The following ANKRD12 variants were observed in gnomAD, a reference collection of about 807,000 sequenced individuals.
ANKRD12 encodes ankyrin repeat domain-containing protein 12.
Under a neutral mutation model 183.4 loss-of-function variants are expected in ANKRD12, and 85 were observed. The observed-to-expected ratio is 0.46, with a 90% confidence interval of 0.39 to 0.56. ANKRD12 has a LOEUF of 0.56. Among genes scored for constraint, ANKRD12 ranks in the 20% least tolerant of loss-of-function variants. The pLI, the probability that ANKRD12 is intolerant of heterozygous loss-of-function variation, is 0.00. For synonymous variants in ANKRD12, 914 were observed against 800.2 expected (o/e 1.14, Z -2.40); for missense variants, 2,405 against 2,357.1 (o/e 1.02, Z -0.42).
At chr18:9,211,328 T>TA (rs1394854221) in intron 5 of ANKRD12, among the ~76,000 whole-genome samples, 1 of 152,196 alleles carries the variant, frequency 6.6e-6, no homozygotes. Context: ...ACGTATTTGA[T>TA]ACTTTATCAT....
intron 3 of ANKRD12, among the ~76,000 whole-genome samples, chr18:9,197,284 G>C (rs2034890200): frequency 6.6e-6 from 1 of 152,126 alleles, no homozygotes; most frequent in Non-Finnish European, 1.5e-5. Flanking sequence ...TTCCCCCTTA[G>C]ATTTTTTCTA....
intron 8 of ANKRD12, among the ~76,000 whole-genome samples, chr18:9,251,704 G>A (rs1263423320): frequency 6.6e-6 from 1 of 152,074 alleles, no homozygotes; most frequent in African/African-American, 2.4e-5. Flanking sequence ...TGAGACAGGA[G>A]AACTGCTTGA....
chr18:9,256,689 C>T lies in ANKRD12; in HGVS notation c.3422C>T (p.Ser1141Leu). ...TESKNKELTR[S>L]KSSEVTDAYT... ...TCCAAAAATAAAGAACTTACTAGGT[C>T]AAAGAGTTCAGAAGTGACTGATGCA... Residue 1141 changes from serine to leucine, a missense_variant, in exon 9 of 13, where the codon TCA becomes TTA. Around this residue, in one of 7 missense-constraint regions of ANKRD12, gnomAD observed 1,983 missense variants for 1,725.9 expected, o/e 1.15. Coordinates refer to ENST00000262126, the MANE Select transcript of ANKRD12 (RefSeq NM_015208.5). The T allele has an allele frequency of 1.9e-6, 3 of 1,606,596 alleles. No individual in the cohort carries two copies. The highest frequency in any genetic ancestry group is 2.5e-6 in the Non-Finnish European group (3 of 1,178,268).
intron 10 of ANKRD12, among the ~76,000 whole-genome samples, chr18:9,265,312 C>T (rs566020147): frequency 3.3e-5 from 5 of 152,322 alleles, no homozygotes; most frequent in Admixed American, 1.3e-4. Flanking sequence ...GATCTGAGAA[C>T]GGACAGACTG....
rs1377724505 is a variant in ANKRD12 at position 9,263,089 on chromosome 18, C to T, written c.5665-701C>T. 2.0e-5 allele frequency among the ~76,000 whole-genome samples: 3 copies of T among 152,066 alleles called. No homozygotes were observed. In the East Asian group the frequency reaches 5.8e-4, roughly 29 times the overall value. On this transcript the variant is annotated intron_variant, in intron 9 of 12. Transcript: ENST00000262126. Reference sequence around the variant, plus strand: ...GGGATTACAGGTGTGGACCACCATGCCCGGCCAGTGTATCTTATTGTAACA... The same window carrying T: ...GGGATTACAGGTGTGGACCACCATGTCCGGCCAGTGTATCTTATTGTAACA...
Position 9,258,208 on chromosome 18 carries a change from G to T in ANKRD12, c.4941G>T (p.Arg1647Ser), listed in dbSNP as rs773581192. 2 of 1,613,750 alleles carry T rather than the reference G, an allele frequency of 1.2e-6. No homozygotes were observed. The highest frequency in any genetic ancestry group is 2.7e-5 in the African/African-American group (2 of 74,916). Residue 1647 changes from arginine to serine, a missense_variant, in exon 9 of 13, where the codon AGG becomes AGT. By Grantham distance (110) the Arg-to-Ser change is moderately radical (BLOSUM62 -1). Transcript: ENST00000262126. ...LESLVLTHLS[R>S]CDSDLCEMNA... Reference sequence around the variant, plus strand: ...GTTTGGTTTTAACTCATTTGAGTAGGTGTGATTCTGATTTATGTGAAATGA... The same window carrying T: ...GTTTGGTTTTAACTCATTTGAGTAGTTGTGATTCTGATTTATGTGAAATGA...
At chr18:9,178,343 C>CTCTCTCTCTCTCTCTCTT (rs35964343) in intron 1 of ANKRD12, among the ~76,000 whole-genome samples, 1 of 150,998 alleles carries the variant, frequency 6.6e-6, no homozygotes, top group African/African-American at 2.4e-5. Context: ...CTCTCTCTCT[C>CTCTCTCTCTCTCTCTCTT]GTTTTTTGCA....
At chr18:9,259,695 T>C (rs2038855912) in intron 9 of ANKRD12, 1 of 152,162 alleles carries the variant, frequency 6.6e-6, no homozygotes, top group African/African-American at 2.4e-5. Flanking sequence ...TTAATGAGAA[T>C]TACTAAAGCA....
intron 1 of ANKRD12, among the ~76,000 whole-genome samples, chr18:9,144,898 A>G (rs954188944): frequency 1.1e-4 from 16 of 152,036 alleles, no homozygotes; most frequent in Admixed American, 8.5e-4. Context: ...TAATACATAC[A>G]TTATGTAATA....
At chr18:9,270,363 C>T (rs2039529197) in intron 10 of ANKRD12, among the ~76,000 whole-genome samples, 2 of 152,104 alleles carry the variant, frequency 1.3e-5, no homozygotes, top group African/African-American at 4.8e-5. Context: ...AGAACCAACC[C>T]AAATGTCCAA....
At chr18:9,139,030 ATC>A (rs1288276016) in intron 1 of ANKRD12, among the ~76,000 whole-genome samples, 1 of 152,214 alleles carries the variant, frequency 6.6e-6, no homozygotes, top group African/African-American at 2.4e-5. Flanking sequence ...AGTTTTCATA[ATC>A]TCATAATTTT....
chr18:9,163,931 G>A (rs1247918284), intron 1 of ANKRD12, among the ~76,000 whole-genome samples: 2 of 152,092 alleles, frequency 1.3e-5, no homozygotes, highest in Non-Finnish European at 2.9e-5. Flanking sequence ...CTTTCGGGCC[G>A]AGACAATGTG....
intron 11 of ANKRD12, among the ~76,000 whole-genome samples, chr18:9,277,143 T>A (rs1308423528): frequency 6.6e-6 from 1 of 152,046 alleles, no homozygotes. Flanking sequence ...CCAAAACTCA[T>A]TGAAATGACA....
At chr18:9,269,510 A>G (rs970958279) in intron 10 of ANKRD12, among the ~76,000 whole-genome samples, 11 of 152,286 alleles carry the variant, frequency 7.2e-5, no homozygotes, top group South Asian at 4.1e-4. Context: ...ACAAAAACAA[A>G]CAATGGGGAA....
intron 8 of ANKRD12, among the ~76,000 whole-genome samples, chr18:9,232,838 A>G (rs2037129585): frequency 9.3e-6 from 1 of 107,586 alleles, no homozygotes; most frequent in East Asian, 2.5e-4. Flanking sequence ...GTTAGTTTTG[A>G]AAGACCTGAT....
Position 9,255,943 on chromosome 18 carries a change from T to C in ANKRD12, c.2676T>C (p.Ala892=), listed in dbSNP as rs1437067740. 25 of 1,581,346 alleles carry C rather than the reference T, an allele frequency of 1.6e-5. No individual in the cohort carries two copies. The highest frequency in any genetic ancestry group is 2.8e-5 in the African/African-American group (2 of 72,356). ...AAGGTGAGAAGAGCAAAAATACTGC[T>C]GCTATTAAAAAAACTGACGACAGAG... The part of the protein sequence containing the change: ...HKEGEKSKNT[A]AIKKTDDREK... The change falls in exon 9 of 13, where the codon GCT becomes GCC. Residue 892 remains alanine (A), a synonymous_variant. Coordinates refer to ENST00000262126, the MANE Select transcript of ANKRD12 (RefSeq NM_015208.5).
chr18:9,274,549 G>T (rs1163564352), intron 10 of ANKRD12, among the ~76,000 whole-genome samples: 1 of 152,180 alleles, frequency 6.6e-6, no homozygotes, highest in Non-Finnish European at 1.5e-5. Context: ...ATAGAGGAAG[G>T]GGGTGGAGGG....
chr18:9,225,053 C>CA (rs199885689), intron 8 of ANKRD12, among the ~76,000 whole-genome samples: 34 of 149,550 alleles, frequency 2.3e-4, no homozygotes, highest in African/African-American at 5.9e-4. Context: ...CTCCTGCCTC[C>CA]AAAAAAAACA....
intron 1 of ANKRD12, among the ~76,000 whole-genome samples, chr18:9,164,530 G>A (rs1433076016): frequency 6.6e-6 from 1 of 151,996 alleles, no homozygotes; most frequent in Non-Finnish European, 1.5e-5. Flanking sequence ...TTTTGATGTG[G>A]GCATTTAGTG....
Sources: gnomAD v4.1 joint callset for allele counts (sites outside exome capture counted in the v4.1 genomes callset) on GRCh38, gnomAD v4.1.1 for gene constraint, gnomAD v4.1.1 regional missense constraint, MANE v1.5 for transcripts, NCBI Gene and HGNC (gene_info 2026-07-23, HGNC 2026-07-21) for gene names.